Variants in PIGK observed in about 807,000 individuals in gnomAD.
PIGK encodes the protein phosphatidylinositol glycan anchor biosynthesis class K.
PIGK carries 42 observed loss-of-function variants against 50.6 expected under a neutral mutation model. The observed-to-expected ratio is 0.83, with a 90% CI of 0.65 to 1.07. The LOEUF is 1.07. PIGK is among the 50% of genes least tolerant of loss of function. PIGK has a pLI of 0.00. For missense variants in PIGK, 448 were observed against 488.7 expected, an observed-to-expected ratio of 0.92 and a Z score of 0.78; for synonymous variants, 151 against 156.0, an observed-to-expected ratio of 0.97 and a Z score of 0.24.
At chr1:77,156,020 C>T (rs1277451722) in intron 8 of PIGK, among the ~76,000 whole-genome samples, 1 of 152,090 alleles carries the variant, frequency 6.6e-6, no homozygotes, top group Non-Finnish European at 1.5e-5. Flanking sequence ...CAATCCTTGT[C>T]ATCCCTATTC....
chr1:77,196,902 T>C (rs957386900), intron 3 of PIGK, among the ~76,000 whole-genome samples: 5 of 152,214 alleles, frequency 3.3e-5, no homozygotes, highest in Middle Eastern at 3.2e-3. Context: ...AAGGCCAGCA[T>C]CCAGAATGGT....
At chr1:77,133,637 T>C (rs564311402) in intron 9 of PIGK, among the ~76,000 whole-genome samples, 260 of 152,276 alleles carry the variant, frequency 1.7e-3, no homozygotes, top group Non-Finnish European at 2.7e-3. Flanking sequence ...TGCTGGGCAG[T>C]TAAGAGTGAT....
chr1:77,155,624 G>A (rs747473339), intron 8 of PIGK, among the ~76,000 whole-genome samples: 10 of 151,786 alleles, frequency 6.6e-5, no homozygotes, highest in African/African-American at 9.7e-5. Context: ...GAAGGAAAAC[G>A]AGGACTTACT....
intron 9 of PIGK, among the ~76,000 whole-genome samples, chr1:77,130,734 C>G (rs533410925): frequency 8.5e-5 from 13 of 152,068 alleles, no homozygotes; most frequent in Non-Finnish European, 1.5e-4. Context: ...AATTTGATAG[C>G]CAGCTTATTA....
intron 3 of PIGK, among the ~76,000 whole-genome samples, chr1:77,200,203 G>A (rs1294497794): frequency 1.3e-5 from 2 of 152,130 alleles, no homozygotes; most frequent in African/African-American, 4.8e-5. Context: ...ACTAGAAGCA[G>A]GGAATAAACA....
At chr1:77,174,116 A>C (rs562015054) in intron 3 of PIGK, among the ~76,000 whole-genome samples, 2 of 152,322 alleles carry the variant, frequency 1.3e-5, no homozygotes, top group African/African-American at 4.8e-5. Flanking sequence ...TTAGGGAACG[A>C]GTCCTTTCTG....
At chr1:77,128,484 T>A (rs2100532767) in intron 9 of PIGK, among the ~76,000 whole-genome samples, 1 of 152,318 alleles carries the variant, frequency 6.6e-6, no homozygotes, top group East Asian at 1.9e-4. Context: ...AAACTCTTTT[T>A]CTCATTTGAG....
chr1:77,167,741 G>T (rs1344717119), intron 4 of PIGK, among the ~76,000 whole-genome samples: 1 of 152,128 alleles, frequency 6.6e-6, no homozygotes, highest in Non-Finnish European at 1.5e-5. Context: ...CAAGACTCCA[G>T]CTCTAGCAAA....
intron 5 of PIGK, among the ~76,000 whole-genome samples, chr1:77,165,603 TAAA>T (rs10712374): frequency 2.5e-4 from 32 of 128,744 alleles, no homozygotes; most frequent in African/African-American, 5.9e-4. Context: ...CAACTGGTGA[TAAA>T]AAAAAAAAAA....
intron 2 of PIGK, among the ~76,000 whole-genome samples, chr1:77,208,894 A>G (rs1275112239): frequency 6.6e-6 from 1 of 152,216 alleles, no homozygotes; most frequent in Non-Finnish European, 1.5e-5. Flanking sequence ...ATGATTCTCA[A>G]TAAATTTACA....
At chr1:77,203,375 G>A (rs1034931277) in intron 3 of PIGK, among the ~76,000 whole-genome samples, 2 of 152,136 alleles carry the variant, frequency 1.3e-5, no homozygotes, top group African/African-American at 4.8e-5. Context: ...AAACATTTTA[G>A]GAAGCTAAAA....
chr1:77,130,479 C>A (rs1272529681), intron 9 of PIGK, among the ~76,000 whole-genome samples: 1 of 152,008 alleles, frequency 6.6e-6, no homozygotes, highest in Non-Finnish European at 1.5e-5. Flanking sequence ...ACTTACCTAT[C>A]CTTTCCTCCA....
At chr1:77,097,983 C>T (rs1404104632) in intron 10 of PIGK, among the ~76,000 whole-genome samples, 6 of 151,852 alleles carry the variant, frequency 4.0e-5, no homozygotes, top group Non-Finnish European at 7.4e-5. Context: ...ATATATATAA[C>T]GCTAAACAAT....
chr1:77,115,881 T>A (rs1653949620), intron 10 of PIGK, among the ~76,000 whole-genome samples: 1 of 152,030 alleles, frequency 6.6e-6, no homozygotes, highest in Non-Finnish European at 1.5e-5. Flanking sequence ...AAAATAGAAA[T>A]CTTGCAACGT....
intron 9 of PIGK, among the ~76,000 whole-genome samples, chr1:77,148,723 T>G (rs564928320): frequency 3.3e-5 from 5 of 149,842 alleles, no homozygotes; most frequent in Non-Finnish European, 5.9e-5. Context: ...GTTTTTTGGT[T>G]TTTTTTTTTT....
intron 10 of PIGK, among the ~76,000 whole-genome samples, chr1:77,103,025 T>C (rs773133162): frequency 2.0e-5 from 3 of 152,180 alleles, no homozygotes; most frequent in Non-Finnish European, 4.4e-5. Flanking sequence ...TTTGTGTAAA[T>C]GCCCTTCAGT....
chr1:77,097,262 A>G (rs1370190257), intron 10 of PIGK, among the ~76,000 whole-genome samples: 2 of 151,996 alleles, frequency 1.3e-5, no homozygotes, highest in African/African-American at 4.8e-5. Context: ...AAAGAGAGAA[A>G]CTCCAACTGC....
chr1:77,166,965 A>G (rs1655249690), intron 4 of PIGK, 135 bp from the exon 5 acceptor site: 2 of 580,816 alleles, frequency 3.4e-6, no homozygotes, highest in Non-Finnish European at 6.1e-6. Flanking sequence ...AAAACACCCA[A>G]AAATTATATA....
intron 9 of PIGK, among the ~76,000 whole-genome samples, chr1:77,133,627 T>C (rs967451867): frequency 6.6e-6 from 1 of 152,220 alleles, no homozygotes; most frequent in African/African-American, 2.4e-5. Flanking sequence ...TGTGTTCCTC[T>C]GCTGGGCAGT....
Sources: gnomAD v4.1 joint callset for allele counts (sites outside exome capture counted in the v4.1 genomes callset) on GRCh38, gnomAD v4.1.1 for gene constraint, MANE v1.5 for transcripts, NCBI Gene and HGNC (gene_info 2026-07-23, HGNC 2026-07-21) for gene names.